PGS1: variants seen among roughly 807,000 people sequenced by gnomAD.
PGS1 encodes CDP-diacylglycerol--glycerol-3-phosphate 3-phosphatidyltransferase, mitochondrial.
In PGS1, 44 loss-of-function variants were observed where a neutral mutation model predicts 58.3. That is an observed-to-expected ratio of 0.75 (90% CI 0.59 to 0.97). PGS1 has a LOEUF of 0.97. Among genes scored for constraint, PGS1 ranks in the 50% least tolerant of loss-of-function variants. The pLI is 0.00. For synonymous variants in PGS1, 330 were observed against 311.0 expected (o/e 1.06, Z -0.64); for missense variants, 684 against 731.1 (o/e 0.94, Z 0.74).
chr17:78,423,641 C>G (rs904849133), intron 9 of PGS1: 3 of 445,064 alleles, frequency 6.7e-6, no homozygotes, highest in Non-Finnish European at 8.2e-6. Context: ...GGCCTTTCCC[C>G]AAAGCCTGAA....
rs1033334968 is a variant in PGS1, at chr17:78,420,914, A to AGTGTCACTCCTGAAAC, written c.*10+1240_*10+1255dup. The AGTGTCACTCCTGAAAC allele has an allele frequency of 3.9e-5, 6 of 152,242 alleles. No homozygotes were observed. In the South Asian group the frequency reaches 1.0e-3, roughly 26 times the overall value. 9.4% of individuals were successfully genotyped at this position (152,242 alleles called of 1,614,324 possible). A position where few individuals can be genotyped will look rare whatever the true frequency, so the allele number is the denominator to read the frequency against. On this transcript the variant is annotated intron_variant, in intron 9 of 9. Transcript: ENST00000262764. ...ATGTGTACTTAACCAAAACAGCACC[A>AGTGTCACTCCTGAAAC]GTGTCACTCCTGAAACAAAAATTAC...
chr17:78,415,066 G>T (rs905097687), intron 8 of PGS1, 39 bp downstream of exon 8: 1 of 1,540,942 alleles, frequency 6.5e-7, no homozygotes, highest in Non-Finnish European at 8.7e-7. Flanking sequence ...GGCGCTGAGG[G>T]TGTGGCTGGG....
rs187007988 is a variant in PGS1, at chr17:78,411,187, C to T, written c.1403-3692C>T. Among the ~76,000 whole-genome samples the T allele has an allele frequency of 5.3e-3, 810 of 152,262 alleles. 8 individuals are homozygous for T. The highest frequency in any genetic ancestry group is 0.018 in the African/African-American group (768 of 41,550). On this transcript the variant is annotated intron_variant, in intron 7 of 9. Transcript: ENST00000262764. Reference sequence around the variant, plus strand: ...CAGAGGGGAGAGAAATGAGGAGCCTCCTCGACCACATGGGGCTTGCAGAAC... The same window carrying T: ...CAGAGGGGAGAGAAATGAGGAGCCTTCTCGACCACATGGGGCTTGCAGAAC...
At chr17:78,398,139 A>G in intron 3 of PGS1, 113 bp from the exon 4 acceptor site, 2 of 812,074 alleles carry the variant, frequency 2.5e-6, no homozygotes, top group East Asian at 2.5e-5. Flanking sequence ...GATGGCACAA[A>G]CCTATCTTTG....
At chr17:78,416,834 A>G (rs2085233759) in intron 8 of PGS1, among the ~76,000 whole-genome samples, 1 of 152,144 alleles carries the variant, frequency 6.6e-6, no homozygotes, top group South Asian at 2.1e-4. Context: ...TGAGCCCTAC[A>G]GTGCCCGGTC....
rs796518317 is a variant in PGS1, at chr17:78,389,629, T to TG, written c.144-2847_144-2846insG. On this transcript the variant is annotated intron_variant, in intron 1 of 9. Coordinates refer to ENST00000262764, the MANE Select transcript of PGS1 (RefSeq NM_024419.5). ...AGCCACCGTGCTCGGCCCCTTTTTT[T>TG]TTGAGACGAAGTCTCACTCTGTCAC... Among the ~76,000 whole-genome samples the TG allele has an allele frequency of 6.6e-4, 100 of 151,170 alleles. 2 individuals are homozygous for TG. The highest frequency in any genetic ancestry group is 2.3e-3 in the African/African-American group (96 of 41,112).
chr17:78,399,259 A>T, intron 4 of PGS1, 89 bp from the exon 5 acceptor site: 1 of 996,506 alleles, frequency 1.0e-6, no homozygotes, highest in Non-Finnish European at 1.6e-6. Context: ...GGCACAGGTG[A>T]AGGCGAGGCC....
At chr17:78,379,564 G>C (rs1304935111) in intron 1 of PGS1, among the ~76,000 whole-genome samples, 2 of 152,052 alleles carry the variant, frequency 1.3e-5, no homozygotes, top group Non-Finnish European at 2.9e-5. Flanking sequence ...GGTGGCTCAC[G>C]CCTGTAATTC....
Position 78,424,161 on chromosome 17 carries a change from G to T in PGS1, c.*111G>T. 6.2e-7 allele frequency: 1 copy of T among 1,606,144 alleles called. No individual in the cohort carries two copies. The highest frequency in any genetic ancestry group is 1.3e-5 in the African/African-American group (1 of 74,984). On this transcript the variant is annotated 3_prime_UTR_variant, in exon 10 of 10. Coordinates refer to ENST00000262764, the MANE Select transcript of PGS1 (RefSeq NM_024419.5). ...GGGTGTCCCAGCGAGCCCCTGCAGGGACAGTATGGCTGAGGGTCAGGTGTG... is the reference window on the plus strand; with the variant it reads ...GGGTGTCCCAGCGAGCCCCTGCAGGTACAGTATGGCTGAGGGTCAGGTGTG...
chr17:78,408,194 A>G (rs1256378520), intron 7 of PGS1, among the ~76,000 whole-genome samples: 1 of 152,368 alleles, frequency 6.6e-6, no homozygotes, highest in East Asian at 1.9e-4. Flanking sequence ...CAACTATTTA[A>G]AGGCATGCAC....
intron 1 of PGS1, among the ~76,000 whole-genome samples, chr17:78,386,755 G>T (rs148437889): frequency 3.4e-4 from 52 of 152,304 alleles, no homozygotes; most frequent in Middle Eastern, 3.4e-3. Context: ...TGCAGTGGGG[G>T]CTGCTTTAGC....
chr17:78,399,261 G>C lies in PGS1; in HGVS notation c.512-87G>C, dbSNP rs948217025. 71 of 1,031,294 alleles carry C rather than the reference G, an allele frequency of 6.9e-5. No homozygotes were observed. In the Middle Eastern group the frequency reaches 9.0e-4, roughly 13 times the overall value. The allele number at this position is 1,031,294 out of a possible 1,614,324, so 63.9% of individuals were successfully genotyped here. On this transcript the variant is annotated intron_variant, in intron 4 of 9. Transcript: ENST00000262764. The stretch of plus-strand genomic sequence containing the variant: ...GATTCAGGTGGACGGCACAGGTGAA[G>C]GCGAGGCCACGTGGAGGTGGCTCCT...
At chr17:78,419,449 TCTGGGCTGGCCTGAGGGG>T (rs1480194435) in intron 8 of PGS1, 79 bp from the exon 9 acceptor site, 73 of 1,089,044 alleles carry the variant, frequency 6.7e-5, no homozygotes, top group South Asian at 5.3e-4. Flanking sequence ...GTCAGGGTTT[TCTGGGCTGGCCTGAGGGG>T]CTGGGCTGGG....
chr17:78,420,308 C>G, intron 9 of PGS1: 1 of 785,830 alleles, frequency 1.3e-6, no homozygotes, highest in Non-Finnish European at 1.5e-6. Context: ...CCAGTGGGGT[C>G]CCACAGTCAC....
intron 1 of PGS1, among the ~76,000 whole-genome samples, chr17:78,385,718 G>A (rs1286475732): frequency 1.3e-5 from 2 of 152,192 alleles, no homozygotes; most frequent in Non-Finnish European, 2.9e-5. Context: ...CACTGTGCCC[G>A]GCCCCCGGGT....
chr17:78,424,468 A>G lies in PGS1; in HGVS notation c.*418A>G, dbSNP rs2086319171. ...GTGGCAGGAAGTCATAACTCCAGCT[A>G]AAAATTACAGAGTAAAGTTCCCTGA... On this transcript the variant is annotated 3_prime_UTR_variant, in exon 10 of 10. Coordinates refer to ENST00000262764, the MANE Select transcript of PGS1 (RefSeq NM_024419.5). The G allele has an allele frequency of 3.0e-6, 1 of 336,338 alleles. No individual in the cohort carries two copies. The highest frequency in any genetic ancestry group is 2.0e-5 in the African/African-American group (1 of 48,906). 20.8% of individuals were successfully genotyped at this position (336,338 alleles called of 1,614,324 possible).
intron 7 of PGS1, among the ~76,000 whole-genome samples, chr17:78,410,462 C>CTT (rs572547320): frequency 3.3e-4 from 24 of 73,558 alleles, no homozygotes; most frequent in African/African-American, 1.1e-3. Flanking sequence ...AACTTCAGAG[C>CTT]TTTTTTTTTT....
chr17:78,380,511 G>T (rs1413331372), intron 1 of PGS1, among the ~76,000 whole-genome samples: 1 of 152,212 alleles, frequency 6.6e-6, no homozygotes, highest in African/African-American at 2.4e-5. Flanking sequence ...CAGCAGGACT[G>T]GGGCTGTAAA....
At position 78,403,895 on chromosome 17, in the gene PGS1, G is replaced by T. The variant is rs760317902; in HGVS notation, c.1208G>T (p.Arg403Leu). Residue 403 changes from arginine (R) to leucine (L), a missense_variant, in exon 7 of 10, where the codon CGG becomes CTG. Physicochemically the swap from Arg to Leu is moderately radical, Grantham distance 102 (BLOSUM62 -2). Coordinates refer to ENST00000262764, the MANE Select transcript of PGS1 (RefSeq NM_024419.5). Reference protein sequence around the residue: ...QAYMDLVLGTRAEYQILLASP... With the variant: ...QAYMDLVLGTLAEYQILLASP... ...TACATGGACCTGGTCTTGGGCACTCGGGCTGAGTACCAGATCCTGCTGGCC... is the reference window on the plus strand; with the variant it reads ...TACATGGACCTGGTCTTGGGCACTCTGGCTGAGTACCAGATCCTGCTGGCC... 1 of 1,614,130 alleles carries T rather than the reference G, an allele frequency of 6.2e-7. No homozygotes were observed. The highest frequency in any genetic ancestry group is 1.3e-5 in the African/African-American group (1 of 75,062).
Sources: gnomAD v4.1 joint callset for allele counts (sites outside exome capture counted in the v4.1 genomes callset) on GRCh38, gnomAD v4.1.1 for gene constraint, MANE v1.5 for transcripts, NCBI Gene and HGNC (gene_info 2026-07-23, HGNC 2026-07-21) for gene names.